The following ADGRB3 variants were observed in gnomAD, a reference collection of about 807,000 sequenced individuals.
The protein encoded by ADGRB3 is adhesion G protein-coupled receptor B3.
ADGRB3 carries 37 observed loss-of-function variants against 193.4 expected under a neutral mutation model. The observed-to-expected ratio is 0.19, with a 90% CI of 0.15 to 0.25. The LOEUF (loss-of-function observed/expected upper bound fraction) is 0.25. Ranked by LOEUF, ADGRB3 falls within the 10% of genes least tolerant of loss-of-function variation. ADGRB3 has a pLI of 1.00. For missense variants in ADGRB3, 1,637 were observed against 1,852.9 expected (o/e 0.88, Z 2.14); for synonymous variants, 690 against 644.2 (o/e 1.07, Z -1.08).
At chr6:68,964,885 G>A (rs1215021886) in intron 8 of ADGRB3, among the ~76,000 whole-genome samples, 1 of 152,028 alleles carries the variant, frequency 6.6e-6, no homozygotes. Context: ...TAAATAACTT[G>A]TTTACCACCA....
chr6:68,817,164 A>G (rs1464438838), intron 3 of ADGRB3, among the ~76,000 whole-genome samples: 1 of 151,510 alleles, frequency 6.6e-6, no homozygotes, highest in East Asian at 1.9e-4. Flanking sequence ...CTGGTATTTT[A>G]TAAATACAAG....
rs539366211 is a variant in ADGRB3, at chr6:69,062,905, T to G, written c.2334-29T>G. On this transcript the variant is annotated intron_variant, in intron 15 of 31. Coordinates refer to ENST00000370598, the MANE Select transcript of ADGRB3 (RefSeq NM_001704.3). The stretch of plus-strand genomic sequence containing the variant: ...ATTTATACTTTTCAGCACTCATTTC[T>G]CCTTTTAATTATAATTACTCTGTTG... The G allele has an allele frequency of 4.6e-6, 7 of 1,518,570 alleles. No individual in the cohort carries two copies. The East Asian group carries it at 1.6e-4, about 34-fold the overall frequency. The allele number at this position is 1,518,570 out of a possible 1,614,324, so 94.1% of individuals were successfully genotyped here.
intron 17 of ADGRB3, among the ~76,000 whole-genome samples, chr6:69,124,658 A>G (rs983393239): frequency 6.6e-6 from 1 of 152,222 alleles, no homozygotes; most frequent in Admixed American, 6.5e-5. Context: ...ATTTCTAAAA[A>G]GTTAAGACAA....
intron 3 of ADGRB3, among the ~76,000 whole-genome samples, chr6:68,661,088 C>G (rs1372797336): frequency 6.7e-6 from 1 of 149,502 alleles, no homozygotes; most frequent in South Asian, 2.1e-4. Context: ...TTTTTTGGAC[C>G]TTAATTTTTC....
At chr6:68,802,677 C>T (rs1031763371) in intron 3 of ADGRB3, among the ~76,000 whole-genome samples, 2 of 152,142 alleles carry the variant, frequency 1.3e-5, no homozygotes, top group African/African-American at 4.8e-5. Flanking sequence ...CAGTTGAACT[C>T]ATGGTCATGT....
At chr6:69,284,968 A>G (rs1767517116) in intron 20 of ADGRB3, among the ~76,000 whole-genome samples, 1 of 152,236 alleles carries the variant, frequency 6.6e-6, no homozygotes, top group African/African-American at 2.4e-5. Context: ...AAAAAGCATT[A>G]GGAATACAGC....
At position 68,814,274 on chromosome 6, in the gene ADGRB3, T is replaced by C. The variant is rs1767580213; in HGVS notation, c.758-116285T>C. Among the ~76,000 whole-genome samples, 3 of 152,356 alleles carry C rather than the reference T, an allele frequency of 2.0e-5. No individual in the cohort carries two copies. In the South Asian group the frequency reaches 6.2e-4, roughly 32 times the overall value. ...CTAACTGGTGTGAGATGGTATCTCA[T>C]TGTGCTTTTGATTTGCATTTCTCTG... On this transcript the variant is annotated intron_variant, in intron 3 of 31. Coordinates refer to ENST00000370598, the MANE Select transcript of ADGRB3 (RefSeq NM_001704.3).
intron 3 of ADGRB3, among the ~76,000 whole-genome samples, chr6:68,652,421 TG>T (rs1230018860): frequency 6.6e-6 from 1 of 152,138 alleles, no homozygotes; most frequent in African/African-American, 2.4e-5. Flanking sequence ...AGACTCTGTC[TG>T]GAGCGAGTTT....
intron 21 of ADGRB3, among the ~76,000 whole-genome samples, chr6:69,326,312 C>G (rs1049223490): frequency 2.6e-5 from 4 of 152,104 alleles, no homozygotes; most frequent in Non-Finnish European, 4.4e-5. Context: ...AATTTCCTGA[C>G]AAAGGCCTTC....
intron 17 of ADGRB3, among the ~76,000 whole-genome samples, chr6:69,200,573 C>T (rs1765398594): frequency 6.6e-6 from 1 of 152,076 alleles, no homozygotes; most frequent in Non-Finnish European, 1.5e-5. Context: ...TTTTACTTGA[C>T]TAAAGGTTCT....
chr6:69,288,830 G>T (rs569775182), intron 20 of ADGRB3, among the ~76,000 whole-genome samples: 1 of 152,150 alleles, frequency 6.6e-6, no homozygotes, highest in South Asian at 2.1e-4. Flanking sequence ...TTGAAAAAAT[G>T]ATTTATATCA....
intron 20 of ADGRB3, among the ~76,000 whole-genome samples, chr6:69,267,789 C>T (rs1211601279): frequency 1.3e-5 from 2 of 152,100 alleles, no homozygotes; most frequent in Non-Finnish European, 2.9e-5. Context: ...GTGAAGAAGG[C>T]AGGTATTCAG....
intron 3 of ADGRB3, among the ~76,000 whole-genome samples, chr6:68,649,342 C>T (rs1402487734): frequency 2.0e-5 from 3 of 152,086 alleles, no homozygotes; most frequent in South Asian, 4.1e-4. Flanking sequence ...TCAACAACAT[C>T]TCTATAAGAT....
rs182776453 is a variant in ADGRB3, at chr6:68,710,769, A to G, written c.757+71337A>G. The stretch of plus-strand genomic sequence containing the variant: ...CAGAGCCTTAGATTTGGGGATTCCT[A>G]TTAGCCCAGTGTTTCTCATCATTTC... On this transcript the variant is annotated intron_variant, in intron 3 of 31. Coordinates refer to ENST00000370598, the MANE Select transcript of ADGRB3 (RefSeq NM_001704.3). 2.0e-5 allele frequency among the ~76,000 whole-genome samples: 3 copies of G among 152,196 alleles called. No homozygotes were observed. The East Asian group carries it at 5.8e-4, about 30-fold the overall frequency.
chr6:69,132,476 GT>G (rs1455731479), intron 17 of ADGRB3, among the ~76,000 whole-genome samples: 1 of 151,952 alleles, frequency 6.6e-6, no homozygotes, highest in Non-Finnish European at 1.5e-5. Flanking sequence ...GAGGTTGTTT[GT>G]TTTTTTCTTG....
At chr6:69,047,770 T>A (rs1045601895) in intron 13 of ADGRB3, among the ~76,000 whole-genome samples, 1 of 152,138 alleles carries the variant, frequency 6.6e-6, no homozygotes, top group East Asian at 1.9e-4. Flanking sequence ...ATGCAGAAAA[T>A]TTCTTCTTAA....
At chr6:68,725,867 TA>T (rs1257984502) in intron 3 of ADGRB3, among the ~76,000 whole-genome samples, 1 of 151,506 alleles carries the variant, frequency 6.6e-6, no homozygotes, top group Non-Finnish European at 1.5e-5. Flanking sequence ...AGCCTGAAAT[TA>T]AATTTAATTA....
intron 11 of ADGRB3, among the ~76,000 whole-genome samples, chr6:69,011,373 G>A (rs1335193627): frequency 6.6e-6 from 1 of 151,904 alleles, no homozygotes; most frequent in Non-Finnish European, 1.5e-5. Flanking sequence ...ATTAATGCAG[G>A]AACAGAAAAC....
intron 20 of ADGRB3, among the ~76,000 whole-genome samples, chr6:69,264,923 G>T (rs894324738): frequency 6.6e-6 from 1 of 151,808 alleles, no homozygotes; most frequent in Non-Finnish European, 1.5e-5. Flanking sequence ...AGTCCCATTG[G>T]TTTATTCCCA....
Sources: gnomAD v4.1 joint callset for allele counts (sites outside exome capture counted in the v4.1 genomes callset) on GRCh38, gnomAD v4.1.1 for gene constraint, MANE v1.5 for transcripts, NCBI Gene and HGNC (gene_info 2026-07-23, HGNC 2026-07-21) for gene names.